The following ST8SIA6 variants were observed in gnomAD, a reference collection of about 807,000 sequenced individuals.
The protein encoded by ST8SIA6 is alpha-2,8-sialyltransferase 8F.
In ST8SIA6, 39 loss-of-function variants were observed where a neutral mutation model predicts 33.6. That is an observed-to-expected ratio of 1.16 (90% CI 0.90 to 1.52). ST8SIA6 has a LOEUF of 1.52. Among genes scored for constraint, ST8SIA6 ranks in the 40% most tolerant of loss-of-function variants. ST8SIA6 has a pLI of 0.00. For synonymous variants in ST8SIA6, 172 were observed against 167.2 expected (o/e 1.03, Z -0.22); for missense variants, 441 against 443.8 (o/e 0.99, Z 0.06).
chr10:17,388,963 A>G (rs1850480768), intron 3 of ST8SIA6, among the ~76,000 whole-genome samples: 1 of 152,126 alleles, frequency 6.6e-6, no homozygotes, highest in Non-Finnish European at 1.5e-5. Context: ...TGGGGATACC[A>G]TCACTATTGT....
intron 3 of ST8SIA6, among the ~76,000 whole-genome samples, chr10:17,369,085 T>C (rs1849652235): frequency 6.6e-6 from 1 of 152,212 alleles, no homozygotes; most frequent in African/African-American, 2.4e-5. Context: ...TTTAGTAGCT[T>C]GATTGCGACA....
chr10:17,411,274 C>G (rs954296000), intron 2 of ST8SIA6, among the ~76,000 whole-genome samples: 2 of 152,068 alleles, frequency 1.3e-5, no homozygotes, highest in African/African-American at 2.4e-5. Context: ...ACCTCTGCCT[C>G]CCAGGTTCAA....
intron 3 of ST8SIA6, among the ~76,000 whole-genome samples, chr10:17,365,540 T>A (rs182739334): frequency 6.6e-6 from 1 of 152,256 alleles, no homozygotes; most frequent in Admixed American, 6.5e-5. Context: ...TCCTGCTCCA[T>A]CCTGCCTGGG....
intron 2 of ST8SIA6, chr10:17,410,587 C>T (rs906321917): frequency 6.6e-6 from 1 of 152,196 alleles, no homozygotes; most frequent in East Asian, 1.9e-4. Context: ...ATGACTTCCT[C>T]ATCTATTAGT....
intron 5 of ST8SIA6, among the ~76,000 whole-genome samples, chr10:17,330,133 C>T (rs1361358467): frequency 2.0e-5 from 3 of 152,150 alleles, no homozygotes; most frequent in Non-Finnish European, 4.4e-5. Flanking sequence ...AATTTCCTCT[C>T]CCCAGTTTAA....
chr10:17,389,448 C>G (rs1360922126), intron 3 of ST8SIA6, among the ~76,000 whole-genome samples: 1 of 152,100 alleles, frequency 6.6e-6, no homozygotes, highest in Non-Finnish European at 1.5e-5. Context: ...CAGGCATAAC[C>G]TCGTGTCCCT....
chr10:17,363,304 G>GTGTA (rs1172444895), intron 3 of ST8SIA6, among the ~76,000 whole-genome samples: 2 of 152,086 alleles, frequency 1.3e-5, no homozygotes, highest in East Asian at 3.9e-4. Flanking sequence ...GTGTGTGTGT[G>GTGTA]TGTGTCCTGT....
At chr10:17,426,542 C>T (rs1271222929) in intron 2 of ST8SIA6, among the ~76,000 whole-genome samples, 1 of 152,180 alleles carries the variant, frequency 6.6e-6, no homozygotes, top group Non-Finnish European at 1.5e-5. Context: ...AGGCTGCTCC[C>T]AGGGACATTA....
At chr10:17,328,890 A>G (rs574105071) in intron 5 of ST8SIA6, among the ~76,000 whole-genome samples, 1 of 152,168 alleles carries the variant, frequency 6.6e-6, no homozygotes, top group East Asian at 1.9e-4. Context: ...TTTTTAAAGC[A>G]TTGGTAACTA....
chr10:17,361,702 A>G (rs1849395414), intron 3 of ST8SIA6, among the ~76,000 whole-genome samples: 2 of 148,672 alleles, frequency 1.3e-5, no homozygotes. Context: ...AAATAAGGAA[A>G]AGACATTGGG....
At chr10:17,410,426 A>T (rs972976017) in intron 2 of ST8SIA6, 3 of 152,208 alleles carry the variant, frequency 2.0e-5, no homozygotes, top group Admixed American at 1.3e-4. Context: ...AGCACACAAG[A>T]ATCTCCCCAT....
rs1299826699 is a variant in ST8SIA6 at position 17,318,653 on chromosome 10, G to C, written c.*2225C>G. 4.3e-6 allele frequency: 2 copies of C among 469,840 alleles called. No homozygotes were observed. Among genetic ancestry groups the C allele is most frequent in the South Asian group, 1.6e-5 (1 of 64,240 alleles). 29.1% of individuals were successfully genotyped at this position (469,840 alleles called of 1,614,324 possible). A position where few individuals can be genotyped will look rare whatever the true frequency, so the allele number is the denominator to read the frequency against. ...AATGCTGATTACATACAGATTTCTT[G>C]GGAGTGTCACAGTCAGACTTGGTTG... On this transcript the variant is annotated 3_prime_UTR_variant, in exon 8 of 8. Coordinates refer to ENST00000377602, the MANE Select transcript of ST8SIA6 (RefSeq NM_001004470.3).
intron 2 of ST8SIA6, among the ~76,000 whole-genome samples, chr10:17,415,306 C>T (rs1385612160): frequency 6.6e-6 from 1 of 152,132 alleles, no homozygotes; most frequent in Non-Finnish European, 1.5e-5. Flanking sequence ...GGACTTTCCC[C>T]AAAGGTCCCT....
intron 4 of ST8SIA6, among the ~76,000 whole-genome samples, chr10:17,334,484 A>G (rs905295765): frequency 6.6e-5 from 10 of 151,252 alleles, no homozygotes; most frequent in African/African-American, 2.4e-4. Context: ...GCTTGCAGTG[A>G]GCCGCAGTAG....
chr10:17,383,881 A>C (rs190637340), intron 3 of ST8SIA6, among the ~76,000 whole-genome samples: 1 of 152,220 alleles, frequency 6.6e-6, no homozygotes, highest in East Asian at 1.9e-4. Context: ...AGCTACTGAC[A>C]GCTTGTAACA....
chr10:17,421,613 A>G (rs1851782945), intron 2 of ST8SIA6, among the ~76,000 whole-genome samples: 1 of 151,938 alleles, frequency 6.6e-6, no homozygotes, highest in African/African-American at 2.4e-5. Context: ...CTCAGGCTAG[A>G]GTGTAGTGGT....
At chr10:17,399,754 T>C (rs1850965903) in intron 2 of ST8SIA6, among the ~76,000 whole-genome samples, 1 of 151,816 alleles carries the variant, frequency 6.6e-6, no homozygotes, top group Non-Finnish European at 1.5e-5. Context: ...CCTGTCTCTA[T>C]ATACAATTTA....
chr10:17,416,166 T>G (rs943918104), intron 2 of ST8SIA6, among the ~76,000 whole-genome samples: 8 of 152,098 alleles, frequency 5.3e-5, no homozygotes, highest in African/African-American at 1.7e-4. Context: ...TCCTCTTCCC[T>G]GAAAACCACA....
chr10:17,377,494 C>A (rs1328149549), intron 3 of ST8SIA6, among the ~76,000 whole-genome samples: 1 of 152,188 alleles, frequency 6.6e-6, no homozygotes, highest in Non-Finnish European at 1.5e-5. Flanking sequence ...CTGCTATGTG[C>A]TGCACCCTTG....
Sources: gnomAD v4.1 joint callset for allele counts (sites outside exome capture counted in the v4.1 genomes callset) on GRCh38, gnomAD v4.1.1 for gene constraint, MANE v1.5 for transcripts, NCBI Gene and HGNC (gene_info 2026-07-23, HGNC 2026-07-21) for gene names.